Variants in STXBP5 observed in about 807,000 individuals in gnomAD.
The protein encoded by STXBP5 is syntaxin binding protein 5, also known as syntaxin-binding protein 5.
A neutral mutation model predicts 152.4 loss-of-function variants in STXBP5; 50 were observed. That is an observed-to-expected ratio of 0.33 (90% CI 0.26 to 0.42). The LOEUF is 0.42. Among genes scored for constraint, STXBP5 ranks in the 10% least tolerant of loss-of-function variants. The pLI, the probability that STXBP5 is intolerant of heterozygous loss-of-function variation, is 1.00. For synonymous variants in STXBP5, 492 were observed against 494.7 expected (o/e 0.99, Z 0.07); for missense variants, 1,167 against 1,388.6 (o/e 0.84, Z 2.54).
chr6:147,328,313 G>A (rs923363064), intron 18 of STXBP5, among the ~76,000 whole-genome samples: 3 of 152,110 alleles, frequency 2.0e-5, no homozygotes, highest in African/African-American at 7.2e-5. Flanking sequence ...AGAGATTGAG[G>A]GCAACCTGTT....
chr6:147,260,308 C>G (rs900703170), intron 4 of STXBP5, among the ~76,000 whole-genome samples: 2 of 151,868 alleles, frequency 1.3e-5, no homozygotes, highest in Admixed American at 1.3e-4. Context: ...TAGCTTATGG[C>G]CTAAAGGGTA....
At chr6:147,324,287 T>C (rs1187174434) in intron 16 of STXBP5, among the ~76,000 whole-genome samples, 2 of 141,842 alleles carry the variant, frequency 1.4e-5, no homozygotes, top group Non-Finnish European at 3.1e-5. Flanking sequence ...TTTTTTTTTT[T>C]TTGAGACAGA....
chr6:147,274,197 A>G (rs979064859), intron 7 of STXBP5, among the ~76,000 whole-genome samples: 2 of 152,172 alleles, frequency 1.3e-5, no homozygotes, highest in African/African-American at 4.8e-5. Flanking sequence ...AAAACAATGA[A>G]TAATTTGGTC....
chr6:147,213,477 TGC>T (rs1554282764), intron 2 of STXBP5, among the ~76,000 whole-genome samples: 12 of 131,324 alleles, frequency 9.1e-5, no homozygotes, highest in South Asian at 2.3e-4. Context: ...TGTGTGTGTG[TGC>T]GCGCGCATAT....
chr6:147,261,590 A>G (rs1287894522), intron 5 of STXBP5, among the ~76,000 whole-genome samples: 2 of 151,990 alleles, frequency 1.3e-5, no homozygotes, highest in African/African-American at 4.8e-5. Flanking sequence ...TAGTGTATTA[A>G]TCCTGGTTTT....
intron 4 of STXBP5, among the ~76,000 whole-genome samples, chr6:147,245,404 A>G (rs1778762692): frequency 1.3e-5 from 2 of 152,188 alleles, no homozygotes; most frequent in South Asian, 4.1e-4. Context: ...CATGTAGCTT[A>G]TTATGCCAAT....
In STXBP5 at chr6:147,353,374, G is replaced by C; in HGVS notation, c.2305+1G>C. On this transcript the variant is annotated splice_donor_variant, in intron 22 of 27. Transcript: ENST00000321680. LOFTEE classifies it high-confidence loss of function. ...CCTACTGACCTAAAGCCTGATTTAG[G>C]TAAGTAAAATAAATATTCAAAATAA... The C allele has an allele frequency of 6.4e-7, 1 of 1,563,090 alleles. No individual in the cohort carries two copies. Among genetic ancestry groups the C allele is most frequent in the South Asian group, 1.2e-5 (1 of 81,940 alleles).
chr6:147,256,521 C>T (rs1166364491), intron 4 of STXBP5, among the ~76,000 whole-genome samples: 1 of 152,102 alleles, frequency 6.6e-6, no homozygotes, highest in Non-Finnish European at 1.5e-5. Flanking sequence ...CACAAAATGT[C>T]ACTGAATATG....
chr6:147,330,460 A>G (rs1370498353), intron 18 of STXBP5, among the ~76,000 whole-genome samples: 1 of 152,096 alleles, frequency 6.6e-6, no homozygotes, highest in Non-Finnish European at 1.5e-5. Context: ...ACCAAGCAAT[A>G]ATAAAAAGAA....
intron 8 of STXBP5, among the ~76,000 whole-genome samples, chr6:147,286,706 G>A (rs553087287): frequency 1.4e-4 from 22 of 152,090 alleles, no homozygotes; most frequent in South Asian, 2.1e-4. Flanking sequence ...CTTTCCAAGC[G>A]TAAAACCAAA....
intron 9 of STXBP5, among the ~76,000 whole-genome samples, chr6:147,294,040 T>G (rs2128354883): frequency 6.6e-6 from 1 of 152,336 alleles, no homozygotes; most frequent in African/African-American, 2.4e-5. Context: ...CAAATAAAAC[T>G]TAGATCTGGA....
intron 23 of STXBP5, among the ~76,000 whole-genome samples, chr6:147,361,505 T>G (rs1451548228): frequency 6.6e-6 from 1 of 152,162 alleles, no homozygotes; most frequent in Non-Finnish European, 1.5e-5. Context: ...TCATCGGTAT[T>G]GGAGCCCTGA....
rs1240913843 is a variant in STXBP5, at chr6:147,265,905, C to T, written c.631-1179C>T. Among the ~76,000 whole-genome samples the T allele has an allele frequency of 3.3e-5, 5 of 150,602 alleles. 1 individual carries two copies. The highest frequency in any genetic ancestry group is 1.2e-4 in the African/African-American group (5 of 40,924). The stretch of plus-strand genomic sequence containing the variant: ...ATTATTATATTGTGTGGTGATCCTT[C>T]GAATTAAAAAAAAAAAGTACAAAGT... On this transcript the variant is annotated intron_variant, in intron 6 of 27. Coordinates refer to ENST00000321680, the MANE Select transcript of STXBP5 (RefSeq NM_001127715.4).
rs760933022 is a variant in STXBP5 at position 147,385,232 on chromosome 6, C to G, written c.*477C>G. On this transcript the variant is annotated 3_prime_UTR_variant, in exon 28 of 28. Coordinates refer to ENST00000321680, the MANE Select transcript of STXBP5 (RefSeq NM_001127715.4). ...AACAGCTGTCTTGGACTTTCCCTCT[C>G]TTAACACTGACTGGTCATCAGTATC... 6.5e-6 allele frequency: 1 copy of G among 154,084 alleles called. No individual in the cohort carries two copies. The highest frequency in any genetic ancestry group is 1.4e-5 in the Non-Finnish European group (1 of 69,584). 9.5% of individuals were successfully genotyped at this position (154,084 alleles called of 1,614,324 possible).
chr6:147,337,058 T>G (rs988262205), intron 19 of STXBP5, among the ~76,000 whole-genome samples: 22 of 152,006 alleles, frequency 1.4e-4, no homozygotes, highest in African/African-American at 5.1e-4. Context: ...AACATATGCA[T>G]CCTGAACGAA....
At chr6:147,310,301 A>G in intron 10 of STXBP5, 63 bp downstream of exon 10, 1 of 993,916 alleles carries the variant, frequency 1.0e-6, no homozygotes. Flanking sequence ...AAAAAAAAAG[A>G]CCTAGGTTGT....
intron 2 of STXBP5, among the ~76,000 whole-genome samples, chr6:147,220,057 A>G (rs1176568332): frequency 1.3e-5 from 2 of 151,772 alleles, no homozygotes; most frequent in Non-Finnish European, 2.9e-5. Flanking sequence ...GTTTCCCATA[A>G]ATTTTGATAA....
rs923387675 is a variant in STXBP5 at position 147,227,407 on chromosome 6, T to G, written c.249-7843T>G. On this transcript the variant is annotated intron_variant, in intron 2 of 27. Coordinates refer to ENST00000321680, the MANE Select transcript of STXBP5 (RefSeq NM_001127715.4). ...CCCCAGAAGGATCCATTTAACTGTT[T>G]CTGGTCATGTTGCTAACTCTAAATA... is the stretch of plus-strand genomic sequence containing the variant. Among the ~76,000 whole-genome samples, 16 of 152,272 alleles carry G rather than the reference T, an allele frequency of 1.1e-4. No homozygotes were observed. In the East Asian group the frequency reaches 3.1e-3, roughly 29 times the overall value.
intron 22 of STXBP5, 60 bp from the exon 23 acceptor site, chr6:147,359,024 A>G: frequency 1.3e-6 from 2 of 1,559,902 alleles, no homozygotes; most frequent in Non-Finnish European, 1.7e-6. Flanking sequence ...ATATTAAAAA[A>G]CAACACAAAT....
Sources: gnomAD v4.1 joint callset for allele counts (sites outside exome capture counted in the v4.1 genomes callset) on GRCh38, gnomAD v4.1.1 for gene constraint, MANE v1.5 for transcripts, NCBI Gene and HGNC (gene_info 2026-07-23, HGNC 2026-07-21) for gene names.